The following PHYHIPL variants were observed in gnomAD, a reference collection of about 807,000 sequenced individuals.
PHYHIPL encodes phytanoyl-CoA 2-hydroxylase interacting protein like.
Under a neutral mutation model 33.4 loss-of-function variants are expected in PHYHIPL, and 9 were observed. That is an observed-to-expected ratio of 0.27 (90% CI 0.16 to 0.47). The LOEUF (loss-of-function observed/expected upper bound fraction) is 0.47, where lower values mean the gene tolerates loss of function less well. Ranked by LOEUF, PHYHIPL falls within the 20% of genes least tolerant of loss-of-function variation. The pLI is 0.99. For missense variants in PHYHIPL, 365 were observed against 460.7 expected, an observed-to-expected ratio of 0.79 and a Z score of 1.90; for synonymous variants, 153 against 154.1, an observed-to-expected ratio of 0.99 and a Z score of 0.05.
In PHYHIPL at chr10:59,192,632, T is replaced by G. The variant is rs528031129; in HGVS notation, c.106+15673T>G. Among the ~76,000 whole-genome samples the G allele has an allele frequency of 7.9e-5, 12 of 152,128 alleles. 1 individual carries two copies. Among genetic ancestry groups the G allele is most frequent in the Non-Finnish European group, 1.8e-4 (12 of 68,000 alleles). Reference sequence around the variant, plus strand: ...AGTGTAACTACCTAAATGGCAATTATAGATAATAAGTAGGATTTTTAAGAC... The same window carrying G: ...AGTGTAACTACCTAAATGGCAATTAGAGATAATAAGTAGGATTTTTAAGAC... On this transcript the variant is annotated intron_variant, in intron 1 of 4. Transcript: ENST00000373880.
At chr10:59,243,781 G>C (rs1023563312) in intron 4 of PHYHIPL, among the ~76,000 whole-genome samples, 2 of 152,040 alleles carry the variant, frequency 1.3e-5, no homozygotes, top group Admixed American at 6.6e-5. Flanking sequence ...AAAAAAAGAA[G>C]GCAGCACACT....
At chr10:59,234,229 TA>T (rs1840161499) in intron 1 of PHYHIPL, 74 bp from the exon 2 acceptor site, 1 of 1,188,274 alleles carries the variant, frequency 8.4e-7, no homozygotes, top group Admixed American at 2.8e-5. Context: ...TTATTGGTAA[TA>T]AATCCATTAA....
intron 4 of PHYHIPL, among the ~76,000 whole-genome samples, chr10:59,243,838 T>A (rs981983817): frequency 1.3e-5 from 2 of 151,624 alleles, no homozygotes; most frequent in Non-Finnish European, 2.9e-5. Context: ...TTCATAGAGG[T>A]GTAGTCAGGG....
At chr10:59,231,602 C>T (rs1840080816) in intron 1 of PHYHIPL, among the ~76,000 whole-genome samples, 1 of 152,024 alleles carries the variant, frequency 6.6e-6, no homozygotes, top group South Asian at 2.1e-4. Flanking sequence ...GATGGAAGGA[C>T]ACATGATATT....
Position 59,246,020 on chromosome 10 carries a change from G to A in PHYHIPL, c.*429G>A, listed in dbSNP as rs11006415. ...ATGAAAGGGTGTAATTGCAGCATGA[G>A]TTAAATCTTGAAGCCTAGAATTGTC... On this transcript the variant is annotated 3_prime_UTR_variant, in exon 5 of 5. Coordinates refer to ENST00000373880, the MANE Select transcript of PHYHIPL (RefSeq NM_032439.4). 6.4e-6 allele frequency: 1 copy of A among 155,420 alleles called. No homozygotes were observed. The highest frequency in any genetic ancestry group is 2.4e-5 in the African/African-American group (1 of 41,576). 9.6% of individuals were successfully genotyped at this position (155,420 alleles called of 1,614,324 possible).
intron 4 of PHYHIPL, among the ~76,000 whole-genome samples, chr10:59,241,809 G>A (rs752184637): frequency 5.9e-5 from 9 of 152,028 alleles, no homozygotes; most frequent in Non-Finnish European, 1.0e-4. Flanking sequence ...TCAAGAAACA[G>A]TCATTATTGA....
At chr10:59,181,173 G>T (rs1205528420) in intron 1 of PHYHIPL, among the ~76,000 whole-genome samples, 1 of 152,114 alleles carries the variant, frequency 6.6e-6, no homozygotes, top group East Asian at 1.9e-4. Context: ...TACCAGTGTT[G>T]ATATTAATAC....
At chr10:59,188,525 A>T (rs7099149) in intron 1 of PHYHIPL, among the ~76,000 whole-genome samples, 7,018 of 152,086 alleles carry the variant, frequency 0.046, 453 homozygotes, top group African/African-American at 0.14. Context: ...TATCCTTGTT[A>T]ACTTTCTGTC....
In PHYHIPL at chr10:59,187,071, G is replaced by T. The variant is rs1838628660; in HGVS notation, c.106+10112G>T. Among the ~76,000 whole-genome samples the T allele has an allele frequency of 2.0e-5, 3 of 152,168 alleles. 1 individual carries two copies. In the South Asian group the frequency reaches 6.2e-4, roughly 32 times the overall value. ...TTCAAAGGGAATGCTTCCAGTTTTTGTCCATTCAGTATGATATTGGCTGTG... is the reference window on the plus strand; with the variant it reads ...TTCAAAGGGAATGCTTCCAGTTTTTTTCCATTCAGTATGATATTGGCTGTG... On this transcript the variant is annotated intron_variant, in intron 1 of 4. Transcript: ENST00000373880.
intron 1 of PHYHIPL, among the ~76,000 whole-genome samples, chr10:59,199,977 A>G (rs1278841093): frequency 6.6e-6 from 1 of 152,206 alleles, no homozygotes; most frequent in African/African-American, 2.4e-5. Context: ...GGGGTTTTCT[A>G]GATGTACAAT....
intron 1 of PHYHIPL, among the ~76,000 whole-genome samples, chr10:59,208,657 G>C (rs532981621): frequency 6.6e-6 from 1 of 152,078 alleles, no homozygotes; most frequent in East Asian, 2.0e-4. Context: ...CTAATCCAAT[G>C]CAAGGAAGCT....
chr10:59,229,141 A>C (rs954512759), intron 1 of PHYHIPL, among the ~76,000 whole-genome samples: 13 of 152,228 alleles, frequency 8.5e-5, no homozygotes, highest in African/African-American at 3.1e-4. Context: ...TCATGCAGTA[A>C]TCTTGAAAGC....
upstream of PHYHIPL, among the ~76,000 whole-genome samples, chr10:59,174,469 G>A (rs16913270): frequency 1.3e-5 from 2 of 151,944 alleles, no homozygotes; most frequent in Non-Finnish European, 2.9e-5. Context: ...ACAATGCCTC[G>A]ATTTGAAGCC....
At chr10:59,197,498 T>A (rs1001947526) in intron 1 of PHYHIPL, among the ~76,000 whole-genome samples, 2 of 152,198 alleles carry the variant, frequency 1.3e-5, no homozygotes, top group African/African-American at 4.8e-5. Flanking sequence ...TAGTAAGCTC[T>A]ACTTTTTTTT....
intron 1 of PHYHIPL, among the ~76,000 whole-genome samples, chr10:59,195,267 G>A (rs545581443): frequency 6.6e-6 from 1 of 152,236 alleles, no homozygotes; most frequent in South Asian, 2.1e-4. Context: ...CTCATCTTAG[G>A]TTCATGGCTG....
chr10:59,206,952 A>G (rs752249324), intron 1 of PHYHIPL: 4 of 329,916 alleles, frequency 1.2e-5, no homozygotes, highest in Non-Finnish European at 1.8e-5. Flanking sequence ...ATAGGAAAAG[A>G]TGGGCTTCTT....
intron 4 of PHYHIPL, among the ~76,000 whole-genome samples, chr10:59,241,672 ACATAT>A (rs890958882): frequency 7.2e-5 from 11 of 152,320 alleles, no homozygotes; most frequent in African/African-American, 2.4e-4. Context: ...CATGTAGGAC[ACATAT>A]CATAGATATT....
chr10:59,242,837 G>C (rs1465326402), intron 4 of PHYHIPL, among the ~76,000 whole-genome samples: 1 of 152,120 alleles, frequency 6.6e-6, no homozygotes, highest in African/African-American at 2.4e-5. Context: ...CTTGAAGATA[G>C]AATAGAAATT....
intron 1 of PHYHIPL, among the ~76,000 whole-genome samples, chr10:59,223,340 C>G (rs1263736256): frequency 1.3e-5 from 2 of 152,164 alleles, no homozygotes; most frequent in Non-Finnish European, 2.9e-5. Flanking sequence ...TGAATAACAT[C>G]TATGTTTTGC....
Sources: gnomAD v4.1 joint callset for allele counts (sites outside exome capture counted in the v4.1 genomes callset) on GRCh38, gnomAD v4.1.1 for gene constraint, MANE v1.5 for transcripts, NCBI Gene and HGNC (gene_info 2026-07-23, HGNC 2026-07-21) for gene names.